The following SPOCK3 variants were observed in gnomAD, a reference collection of about 807,000 sequenced individuals.
SPOCK3 encodes the protein SPARC (osteonectin), cwcv and kazal like domains proteoglycan 3.
A neutral mutation model predicts 56.6 loss-of-function variants in SPOCK3; 30 were observed. The observed-to-expected ratio is 0.53, with a 90% CI of 0.40 to 0.72. The LOEUF (loss-of-function observed/expected upper bound fraction) is 0.72. Ranked by LOEUF, SPOCK3 falls within the 30% of genes least tolerant of loss-of-function variation. SPOCK3 has a pLI of 0.00. For missense variants in SPOCK3, 527 were observed against 530.0 expected, an observed-to-expected ratio of 0.99 and a Z score of 0.06; for synonymous variants, 196 against 183.3, an observed-to-expected ratio of 1.07 and a Z score of -0.56.
At chr4:166,738,931 C>A (rs1339768640) in intron 9 of SPOCK3, among the ~76,000 whole-genome samples, 1 of 151,988 alleles carries the variant, frequency 6.6e-6, no homozygotes, top group Non-Finnish European at 1.5e-5. Flanking sequence ...AATAAATATA[C>A]GTGTGCATGT....
At chr4:167,157,511 A>G (rs72699675) in intron 2 of SPOCK3, among the ~76,000 whole-genome samples, 8,661 of 151,872 alleles carry the variant, frequency 0.057, 271 homozygotes, top group Admixed American at 0.079. Context: ...AGGTGGGGGT[A>G]GTTGGGGTGG....
At chr4:167,185,496 T>G (rs576098087) in intron 2 of SPOCK3, among the ~76,000 whole-genome samples, 1 of 152,286 alleles carries the variant, frequency 6.6e-6, no homozygotes, top group East Asian at 1.9e-4. Flanking sequence ...TTCCCTTTCT[T>G]TTTTCTTTCT....
chr4:166,914,314 T>A (rs1034336911), intron 4 of SPOCK3, among the ~76,000 whole-genome samples: 3 of 152,190 alleles, frequency 2.0e-5, no homozygotes, highest in Non-Finnish European at 4.4e-5. Context: ...CTTCATCTCA[T>A]TCTCCTTTCC....
At chr4:167,225,553 A>G (rs899342727) in intron 2 of SPOCK3, among the ~76,000 whole-genome samples, 1 of 152,132 alleles carries the variant, frequency 6.6e-6, no homozygotes, top group Non-Finnish European at 1.5e-5. Context: ...TAACATATTA[A>G]GCAAAATTAT....
chr4:166,913,269 T>G (rs947414031), intron 4 of SPOCK3, among the ~76,000 whole-genome samples: 1 of 152,188 alleles, frequency 6.6e-6, no homozygotes, highest in Non-Finnish European at 1.5e-5. Flanking sequence ...AAATCTCCTT[T>G]TGTTGTGTAA....
At chr4:166,972,963 C>G (rs1274801437) in intron 4 of SPOCK3, among the ~76,000 whole-genome samples, 3 of 152,058 alleles carry the variant, frequency 2.0e-5, no homozygotes, top group Non-Finnish European at 4.4e-5. Context: ...ATGGCTTAGG[C>G]ATATTCAGAT....
intron 2 of SPOCK3, among the ~76,000 whole-genome samples, chr4:167,173,152 A>G (rs1258201880): frequency 2.6e-5 from 4 of 152,084 alleles, no homozygotes; most frequent in African/African-American, 9.7e-5. Context: ...ATTCTTCAGG[A>G]TGAAAGGCGA....
rs1039863907 is a variant in SPOCK3 at position 167,194,852 on chromosome 4, G to C, written c.189+39133C>G. Among the ~76,000 whole-genome samples the C allele has an allele frequency of 2.0e-5, 3 of 152,160 alleles. No homozygotes were observed. The East Asian group carries it at 5.8e-4, about 29-fold the overall frequency. On this transcript the variant is annotated intron_variant, in intron 2 of 10. Coordinates refer to ENST00000357545, the MANE Select transcript of SPOCK3 (RefSeq NM_001040159.2). Reference sequence around the variant, plus strand: ...CCACAGTAGGGTCCAAAGACATGGGGACTGTTACCATGGCTTGGATGGATA... The same window carrying C: ...CCACAGTAGGGTCCAAAGACATGGGCACTGTTACCATGGCTTGGATGGATA...
At chr4:166,762,269 A>C (rs557754607) in intron 7 of SPOCK3, among the ~76,000 whole-genome samples, 6 of 152,160 alleles carry the variant, frequency 3.9e-5, no homozygotes, top group African/African-American at 1.4e-4. Flanking sequence ...CCTTGAAGCA[A>C]ATTTTTAAAA....
chr4:167,176,586 A>G (rs911995932), intron 2 of SPOCK3, among the ~76,000 whole-genome samples: 1 of 152,050 alleles, frequency 6.6e-6, no homozygotes, highest in African/African-American at 2.4e-5. Flanking sequence ...ATATTAAACT[A>G]ATTTTTTGCA....
At chr4:167,175,107 G>T (rs1174985283) in intron 2 of SPOCK3, among the ~76,000 whole-genome samples, 3 of 152,056 alleles carry the variant, frequency 2.0e-5, no homozygotes, top group African/African-American at 7.2e-5. Context: ...TACTTATGGG[G>T]ACCTCATGGG....
At chr4:167,100,679 A>G (rs575862037) in intron 2 of SPOCK3, among the ~76,000 whole-genome samples, 33 of 152,282 alleles carry the variant, frequency 2.2e-4, no homozygotes, top group Admixed American at 5.9e-4. Context: ...AATATTCTTA[A>G]AAGAGTTTTG....
intron 4 of SPOCK3, among the ~76,000 whole-genome samples, chr4:166,915,151 A>G (rs1737706615): frequency 6.6e-6 from 1 of 152,060 alleles, no homozygotes; most frequent in Non-Finnish European, 1.5e-5. Context: ...GTCCACCTAT[A>G]TGTAATATCA....
At chr4:166,791,805 A>G (rs1257619759) in intron 7 of SPOCK3, among the ~76,000 whole-genome samples, 1 of 152,104 alleles carries the variant, frequency 6.6e-6, no homozygotes. Flanking sequence ...AAAGGCTACC[A>G]TACGGGGGAG....
chr4:167,068,538 A>C (rs1756379540), intron 2 of SPOCK3, among the ~76,000 whole-genome samples: 1 of 151,748 alleles, frequency 6.6e-6, no homozygotes, highest in Admixed American at 6.6e-5. Context: ...AATTTTGAAT[A>C]AAATATATGG....
At chr4:166,900,802 G>T (rs997243315) in intron 5 of SPOCK3, among the ~76,000 whole-genome samples, 3 of 152,130 alleles carry the variant, frequency 2.0e-5, no homozygotes, top group African/African-American at 7.2e-5. Flanking sequence ...TGGAAAGAAA[G>T]AAAAATTTTA....
chr4:167,112,860 T>A (rs1375940597), intron 2 of SPOCK3, among the ~76,000 whole-genome samples: 3 of 149,904 alleles, frequency 2.0e-5, no homozygotes, highest in African/African-American at 7.3e-5. Context: ...AAAAAAAAAA[T>A]CATATATATT....
At chr4:167,011,470 C>A (rs558046293) in intron 3 of SPOCK3, among the ~76,000 whole-genome samples, 1 of 152,256 alleles carries the variant, frequency 6.6e-6, no homozygotes, top group East Asian at 1.9e-4. Context: ...AAATTCAAAT[C>A]TTTGTTATTT....
At chr4:166,817,224 A>C (rs61430792) in intron 6 of SPOCK3, among the ~76,000 whole-genome samples, 2,270 of 152,216 alleles carry the variant, frequency 0.015, 70 homozygotes, top group African/African-American at 0.051. Flanking sequence ...ACTACAGGAA[A>C]GGAAACTTGA....
Sources: allele counts gnomAD v4.1 joint callset (sites outside exome capture counted in the v4.1 genomes callset), GRCh38; gene constraint gnomAD v4.1.1; transcripts MANE v1.5; gene names NCBI Gene and HGNC (gene_info 2026-07-23, HGNC 2026-07-21).